Variants in ASXL1 observed in about 807,000 individuals in gnomAD.
ASXL1 encodes the protein ASXL transcriptional regulator 1, also known as polycomb group protein ASXL1.
In ASXL1, 65 loss-of-function variants were observed where a neutral mutation model predicts 89.1. That is an observed-to-expected ratio of 0.73 (90% CI 0.60 to 0.90). The LOEUF is 0.90. Ranked by LOEUF, ASXL1 falls within the 40% of genes least tolerant of loss-of-function variation. The pLI is 0.00. For missense variants in ASXL1, 1,786 were observed against 1,942.9 expected, an observed-to-expected ratio of 0.92 and a Z score of 1.52; for synonymous variants, 739 against 746.9, an observed-to-expected ratio of 0.99 and a Z score of 0.17.
At chr20:32,422,396 G>A (rs965038622) in intron 4 of ASXL1, among the ~76,000 whole-genome samples, 1 of 147,928 alleles carries the variant, frequency 6.8e-6, no homozygotes. Flanking sequence ...ATTCTCCTAC[G>A]TAAGCACAAT....
chr20:32,403,601 G>T (rs2048910153), intron 4 of ASXL1, among the ~76,000 whole-genome samples: 1 of 151,996 alleles, frequency 6.6e-6, no homozygotes, highest in Non-Finnish European at 1.5e-5. Flanking sequence ...TTTTTGTAGT[G>T]CTGGGGTGTC....
At chr20:32,362,151 A>G (rs990565765) in intron 1 of ASXL1, among the ~76,000 whole-genome samples, 1 of 152,244 alleles carries the variant, frequency 6.6e-6, no homozygotes, top group African/African-American at 2.4e-5. Context: ...GAGAGCGTAC[A>G]CTGGACTGAG....
intron 4 of ASXL1, among the ~76,000 whole-genome samples, chr20:32,401,849 C>T (rs549985066): frequency 6.6e-6 from 1 of 152,194 alleles, no homozygotes; most frequent in Non-Finnish European, 1.5e-5. Flanking sequence ...AGCCACTGCA[C>T]CTGGCCTACT....
intron 4 of ASXL1, among the ~76,000 whole-genome samples, chr20:32,417,065 T>C (rs1569302252): frequency 6.6e-6 from 1 of 152,224 alleles, no homozygotes; most frequent in Non-Finnish European, 1.5e-5. Flanking sequence ...AAACTCATTT[T>C]GTGTCAAAAC....
rs145122435 is a variant in ASXL1, at chr20:32,407,488, G to C, written c.253-20640G>C. Reference sequence around the variant, plus strand: ...ATTTCTTTTCTTTTTTTTGAGACAGGGTCTTCCTCTGTCACCCACGCTAGA... The same window carrying C: ...ATTTCTTTTCTTTTTTTTGAGACAGCGTCTTCCTCTGTCACCCACGCTAGA... On this transcript the variant is annotated intron_variant, in intron 4 of 12. Transcript: ENST00000375687. 1.5e-3 allele frequency among the ~76,000 whole-genome samples: 227 copies of C among 151,838 alleles called. 2 individuals are homozygous for C. The highest frequency in any genetic ancestry group is 5.1e-3 in the African/African-American group (210 of 41,404).
intron 4 of ASXL1, among the ~76,000 whole-genome samples, chr20:32,393,702 C>T (rs1443845793): frequency 6.6e-6 from 1 of 152,202 alleles, no homozygotes; most frequent in South Asian, 2.1e-4. Context: ...AAACTGCTGA[C>T]TTTGTGATCC....
intron 4 of ASXL1, among the ~76,000 whole-genome samples, chr20:32,400,480 AT>A (rs2048853915): frequency 2.0e-5 from 3 of 152,182 alleles, no homozygotes; most frequent in Non-Finnish European, 4.4e-5. Context: ...CTGAGACAAG[AT>A]TCTTCCCAAA....
intron 3 of ASXL1, among the ~76,000 whole-genome samples, 192 bp downstream of exon 3, chr20:32,367,921 T>C (rs2048233379): frequency 6.6e-6 from 1 of 152,240 alleles, no homozygotes; most frequent in Non-Finnish European, 1.5e-5. Flanking sequence ...GTAGCAGAGA[T>C]GCTAGCACAC....
chr20:32,395,552 T>G (rs1006524654), intron 4 of ASXL1, among the ~76,000 whole-genome samples: 1 of 152,240 alleles, frequency 6.6e-6, no homozygotes, highest in African/African-American at 2.4e-5. Flanking sequence ...AATTTACGTA[T>G]TCAGCTACTA....
chr20:32,377,970 C>CTGTGTGTGTGTGTGTGTG (rs1361008874), intron 4 of ASXL1, among the ~76,000 whole-genome samples: 1 of 59,714 alleles, frequency 1.7e-5, no homozygotes, highest in African/African-American at 6.3e-5. Context: ...AAAGTTTTGA[C>CTGTGTGTGTGTGTGTGTG]TCTGTGTGTG....
intron 4 of ASXL1, among the ~76,000 whole-genome samples, chr20:32,413,201 G>A (rs1460369524): frequency 6.6e-6 from 1 of 152,008 alleles, no homozygotes; most frequent in Non-Finnish European, 1.5e-5. Flanking sequence ...TAAGGATGAA[G>A]GATAAATAAA....
chr20:32,363,630 T>TA (rs1406465374), intron 1 of ASXL1, among the ~76,000 whole-genome samples: 1 of 152,222 alleles, frequency 6.6e-6, no homozygotes, highest in Non-Finnish European at 1.5e-5. Context: ...TTGTATGTGT[T>TA]ATGAAACAAT....
At chr20:32,376,367 C>A (rs1382871553) in intron 4 of ASXL1, among the ~76,000 whole-genome samples, 1 of 151,984 alleles carries the variant, frequency 6.6e-6, no homozygotes, top group Non-Finnish European at 1.5e-5. Context: ...CTCTGCCTCC[C>A]GGGTTGAAGT....
At position 32,373,426 on chromosome 20, in the gene ASXL1, C is replaced by T. The variant is rs1026741944; in HGVS notation, c.252+4303C>T. Reference sequence around the variant, plus strand: ...CCCTAGATTTGCATCTGGCATCTAGCTCATATCTCAGAGCCAGAATGAAGG... The same window carrying T: ...CCCTAGATTTGCATCTGGCATCTAGTTCATATCTCAGAGCCAGAATGAAGG... On this transcript the variant is annotated intron_variant, in intron 4 of 12. Coordinates refer to ENST00000375687, the MANE Select transcript of ASXL1 (RefSeq NM_015338.6). 2.0e-5 allele frequency among the ~76,000 whole-genome samples: 3 copies of T among 152,124 alleles called. No individual in the cohort carries two copies. In the East Asian group the frequency reaches 5.8e-4, roughly 29 times the overall value.
intron 4 of ASXL1, chr20:32,427,467 T>A (rs2011353287): frequency 6.2e-6 from 1 of 160,114 alleles, no homozygotes; most frequent in African/African-American, 2.4e-5. Context: ...ACATGGGTCT[T>A]ACCATCTGCC....
In ASXL1 at chr20:32,429,913, G is replaced by A. The variant is rs1237338977; in HGVS notation, c.578G>A (p.Cys193Tyr). Residue 193 changes from cysteine to tyrosine, a missense_variant, in exon 8 of 13, where the codon TGC becomes TAC. Around this residue, in one of 3 missense-constraint regions of ASXL1, gnomAD observed 332 missense variants for 449.7 expected, o/e 0.74. Transcript: ENST00000375687. This position sits in a 1 kb window ranked among gnomAD's most constrained non-coding sequence, Gnocchi z 4.9. ...HVESASGFSG[C>Y]HADGESGSPS... ...GCTGTGCCTTCAGGGTTCTCGGGCT[G>A]CCACGCCGATGGCGAGAGCGGCAGC... 2 of 1,607,838 alleles carry A rather than the reference G, an allele frequency of 1.2e-6. No homozygotes were observed. The highest frequency in any genetic ancestry group is 1.1e-5 in the South Asian group (1 of 90,942).
At chr20:32,388,267 C>T (rs1371634520) in intron 4 of ASXL1, among the ~76,000 whole-genome samples, 2 of 152,162 alleles carry the variant, frequency 1.3e-5, no homozygotes, top group Non-Finnish European at 2.9e-5. Context: ...CTCTGTCTTC[C>T]AGGCTTAAGC....
In ASXL1 at chr20:32,426,554, C is replaced by CT. The variant is rs1177815042; in HGVS notation, c.253-1550dup. On this transcript the variant is annotated intron_variant, in intron 4 of 12. Transcript: ENST00000375687. ...GAAAACTGTTTTCTTTTTTTTCTTTCTTTTTTTTTTTTTTTTTTTTTTTTG... is the reference window on the plus strand; with the variant it reads ...GAAAACTGTTTTCTTTTTTTTCTTTCTTTTTTTTTTTTTTTTTTTTTTTTTG... Among the ~76,000 whole-genome samples the CT allele has an allele frequency of 4.0e-3, 332 of 83,934 alleles. 8 individuals are homozygous for CT. The highest frequency in any genetic ancestry group is 0.014 in the African/African-American group (308 of 21,906). 55.1% of individuals were successfully genotyped at this position (83,934 alleles called of 152,430 possible).
intron 4 of ASXL1, 189 bp from the exon 5 acceptor site, chr20:32,427,939 G>A (rs1015740516): frequency 1.3e-6 from 1 of 769,024 alleles, no homozygotes; most frequent in Non-Finnish European, 2.1e-6. Context: ...GAATGCAAAA[G>A]TGTATCTAAC....
Sources: allele counts gnomAD v4.1 joint callset (sites outside exome capture counted in the v4.1 genomes callset), GRCh38; gene constraint gnomAD v4.1.1; regional missense constraint gnomAD v4.1.1; non-coding constraint Gnocchi (gnomAD v3.1); transcripts MANE v1.5; gene names NCBI Gene and HGNC (gene_info 2026-07-23, HGNC 2026-07-21).